The following TUBGCP6 variants were observed in gnomAD, a reference collection of about 807,000 sequenced individuals.
TUBGCP6 encodes the protein gamma-tubulin complex component 6.
In TUBGCP6, 161 loss-of-function variants were observed where a neutral mutation model predicts 175.8. The observed-to-expected ratio is 0.92, with a 90% CI of 0.81 to 1.04. The LOEUF is 1.04. TUBGCP6 is among the 50% of genes least tolerant of loss of function. TUBGCP6 has a pLI of 0.00. For synonymous variants in TUBGCP6, 1,173 were observed against 1,030.5 expected (o/e 1.14, Z -2.65); for missense variants, 2,572 against 2,433.0 (o/e 1.06, Z -1.20).
At chr22:50,229,665 C>T in intron 3 of TUBGCP6, 88 bp from the exon 4 acceptor site, 1 of 1,385,904 alleles carries the variant, frequency 7.2e-7, no homozygotes, top group South Asian at 1.3e-5. Context: ...TGCACCCAAC[C>T]CCACGCCACC....
intron 2 of TUBGCP6, among the ~76,000 whole-genome samples, chr22:50,235,024 C>G (rs2064752522): frequency 6.6e-6 from 1 of 151,746 alleles, no homozygotes; most frequent in Admixed American, 6.6e-5. Flanking sequence ...GCATCCACCC[C>G]CTGTCCACGG....
At chr22:50,243,399 G>A (rs531081390) in intron 1 of TUBGCP6, among the ~76,000 whole-genome samples, 1 of 151,104 alleles carries the variant, frequency 6.6e-6, no homozygotes, top group Non-Finnish European at 1.5e-5. Flanking sequence ...GTTACAGTGA[G>A]CCGAGATCGC....
Position 50,223,770 on chromosome 22 carries a change from ACT to A in TUBGCP6, c.2270+369_2270+370del, listed in dbSNP as rs10548210. 7.0e-3 allele frequency: 1,017 copies of A among 144,936 alleles called. 9 individuals carry two copies. The highest frequency in any genetic ancestry group is 0.016 in the South Asian group (101 of 6,362). The allele number at this position is 144,936 out of a possible 1,614,324, so 9.0% of individuals were successfully genotyped here. ...ACTCCAGCCTGGGTGACAGAGCAAG[ACT>A]CTGTTTCCAAAAAAAAAAAAAAAAA... On this transcript the variant is annotated intron_variant, in intron 13 of 24. Coordinates refer to ENST00000248846, the MANE Select transcript of TUBGCP6 (RefSeq NM_020461.4).
chr22:50,242,035 G>A (rs1458027669), intron 1 of TUBGCP6, among the ~76,000 whole-genome samples: 1 of 146,362 alleles, frequency 6.8e-6, no homozygotes, highest in Non-Finnish European at 1.5e-5. Context: ...GCTCACGCCT[G>A]TAATCCCAGC....
intron 7 of TUBGCP6, 97 bp from the exon 8 acceptor site, chr22:50,226,475 G>A (rs1184536923): frequency 2.5e-6 from 3 of 1,201,026 alleles, no homozygotes; most frequent in Non-Finnish European, 3.6e-6. Context: ...GGCTGTCAGT[G>A]AGGGGCAAGT....
intron 10 of TUBGCP6, among the ~76,000 whole-genome samples, chr22:50,225,450 C>T (rs112750585): frequency 9.2e-5 from 14 of 152,282 alleles, no homozygotes; most frequent in South Asian, 4.2e-4. Context: ...CCACAGCTGG[C>T]GGGCCCGGGG....
In TUBGCP6 at chr22:50,227,047, A is replaced by G. The variant is rs141766585; in HGVS notation, c.1443T>C (p.Ala481=). The change falls in exon 6 of 25, where the codon GCT becomes GCC. Residue 481 remains alanine, a synonymous_variant. Transcript: ENST00000248846. The part of the protein sequence containing the change: ...RYLAELCGVG[A]VLPGTCGGGP... ...CTCCTCCACAGGTGCCCGGGAGCAC[A>G]GCGCCAACGCCACAGAGCTCGGCCA... 1,246 of 1,612,516 alleles carry G rather than the reference A, an allele frequency of 7.7e-4. 8 individuals are homozygous for G. In the African/African-American group the frequency reaches 0.015, roughly 20 times the overall value.
Position 50,244,355 on chromosome 22 carries a change from C to G in TUBGCP6, c.105G>C (p.Arg35=). Residue 35 remains arginine (R), a synonymous_variant, in exon 1 of 25, where the codon CGG becomes CGC. Transcript: ENST00000248846. ...CATTGTAGGCCACCTTCTTGAGGCT[C>G]CGCTTTGCCCTCTTCCGGTTCACAC... ...QRSVNRKRAK[R]SLKKVAYNAL... 6.2e-7 allele frequency: 1 copy of G among 1,613,482 alleles called. No homozygotes were observed.
Position 50,244,247 on chromosome 22 carries a change from G to A in TUBGCP6, c.213C>T (p.Leu71=), listed in dbSNP as rs1170395744. Reference sequence around the variant, plus strand: ...CCACTCTCAAGTCAAAGGACAACATGAGGATCTTGTTTCTCGCTGGTAGTT... The same window carrying A: ...CCACTCTCAAGTCAAAGGACAACATAAGGATCTTGTTTCTCGCTGGTAGTT... ...MSKLPARNKI[L]MLSFDLRVGG... Residue 71 remains leucine (L), a synonymous_variant, in exon 1 of 25, where the codon CTC becomes CTT. Transcript: ENST00000248846. The A allele has an allele frequency of 3.1e-6, 5 of 1,613,548 alleles. No individual in the cohort carries two copies. The highest frequency in any genetic ancestry group is 3.4e-6 in the Non-Finnish European group (4 of 1,180,040).
intron 2 of TUBGCP6, 91 bp downstream of exon 2, chr22:50,240,113 T>A: frequency 6.4e-7 from 1 of 1,554,920 alleles, no homozygotes; most frequent in Non-Finnish European, 8.7e-7. Context: ...CCTGGACCCC[T>A]GAGTACACAA....
intron 20 of TUBGCP6, 68 bp from the exon 21 acceptor site, chr22:50,218,965 T>C (rs2064466439): frequency 6.3e-7 from 1 of 1,588,566 alleles, no homozygotes; most frequent in South Asian, 1.1e-5. Flanking sequence ...CGGCACCCCA[T>C]GGGGCTGTGC....
intron 3 of TUBGCP6, among the ~76,000 whole-genome samples, chr22:50,231,433 G>A (rs578248078): frequency 3.3e-5 from 5 of 149,704 alleles, no homozygotes; most frequent in East Asian, 2.0e-4. Flanking sequence ...CAGCCTGGGC[G>A]ACAGAGTGAG....
chr22:50,234,770 CGTCCACAGCAGCATCCACATCCAG>C (rs1013916221), intron 2 of TUBGCP6, among the ~76,000 whole-genome samples: 3 of 142,908 alleles, frequency 2.1e-5, no homozygotes, highest in Admixed American at 1.4e-4. Context: ...CCCACACCCC[CGTCCACAGCAGCATCCACATCCAG>C]GTCCACAGCA....
intron 3 of TUBGCP6, among the ~76,000 whole-genome samples, chr22:50,229,879 T>TA (rs2064666792): frequency 6.6e-6 from 1 of 152,114 alleles, no homozygotes; most frequent in South Asian, 2.1e-4. Context: ...GCAGAAGCTA[T>TA]AAAACATGAC....
Position 50,244,158 on chromosome 22 carries a change from C to CA in TUBGCP6, c.301dup (p.Cys101LeufsTer35). The CA allele has an allele frequency of 6.2e-7, 1 of 1,613,452 alleles. No homozygotes were observed. The highest frequency in any genetic ancestry group is 1.1e-5 in the South Asian group (1 of 91,086). ...AGACCCCACCTCCAAAAGCGGACAG[C>CA]AAGGGGCTGCTTCCAGCTCCTCCAC... is the stretch of plus-strand genomic sequence containing the variant. On this transcript the variant is annotated frameshift_variant, in exon 1 of 25. Transcript: ENST00000248846. LOFTEE classifies it high-confidence loss of function.
chr22:50,227,999 C>A lies in TUBGCP6; in HGVS notation c.1320G>T (p.Leu440=). The A allele has an allele frequency of 6.4e-7, 1 of 1,567,376 alleles. No individual in the cohort carries two copies. The highest frequency in any genetic ancestry group is 8.6e-7 in the Non-Finnish European group (1 of 1,156,126). ...QAFTSGLRRY[L]QYYRACVLST... The stretch of plus-strand genomic sequence containing the variant: ...AAAGGACGCAGGCCCGGTAATACTG[C>A]AGGTACCTCCTCAGGCCACTGGTGA... The change falls in exon 5 of 25, where the codon CTG becomes CTT. Residue 440 remains leucine (L), a synonymous_variant. Coordinates refer to ENST00000248846, the MANE Select transcript of TUBGCP6 (RefSeq NM_020461.4).
chr22:50,224,567 T>A lies in TUBGCP6; in HGVS notation c.2009A>T (p.Gln670Leu). 6.2e-7 allele frequency: 1 copy of A among 1,614,110 alleles called. No homozygotes were observed. The highest frequency in any genetic ancestry group is 1.3e-5 in the African/African-American group (1 of 75,046). Residue 670 changes from glutamine (Q) to leucine (L), a missense_variant, in exon 11 of 25, where the codon CAA (glutamine) becomes CTA (leucine). Transcript: ENST00000248846. ...TTCCCGGGCATGAGCGATTAATTCT[T>A]GTTTTGCAATTTCCATACGTAATTC... ...EKELRMEIAK[Q>L]ELIAHAREAA...
In TUBGCP6 at chr22:50,222,228, G is replaced by A. The variant is rs975869072; in HGVS notation, c.2410-126C>T. On this transcript the variant is annotated intron_variant, in intron 14 of 24. Transcript: ENST00000248846. ...CTGAACCAGACAAGGCTTGTGCTGG[G>A]CTCCAGTGGGACGCTGGGCCTGCAA... is the stretch of plus-strand genomic sequence containing the variant. 10 of 1,194,332 alleles carry A rather than the reference G, an allele frequency of 8.4e-6. No individual in the cohort carries two copies. The African/African-American group carries it at 1.4e-4, about 16-fold the overall frequency. 74.0% of individuals were successfully genotyped at this position (1,194,332 alleles called of 1,614,324 possible).
chr22:50,235,941 G>GAAA lies in TUBGCP6; in HGVS notation c.906-2418_906-2416dup, dbSNP rs542229305. 4.8e-5 allele frequency among the ~76,000 whole-genome samples: 6 copies of GAAA among 124,254 alleles called. No individual in the cohort carries two copies. In the South Asian group the frequency reaches 8.0e-4, roughly 17 times the overall value. 81.5% of individuals were successfully genotyped at this position (124,254 alleles called of 152,430 possible). On this transcript the variant is annotated intron_variant, in intron 2 of 24. Coordinates refer to ENST00000248846, the MANE Select transcript of TUBGCP6 (RefSeq NM_020461.4). ...AGCAACAGAGCAAGACTCCATCTCG[G>GAAA]AAAAAAAAAAAAAAAAAGTGGAGTG...
Sources: allele counts gnomAD v4.1 joint callset (sites outside exome capture counted in the v4.1 genomes callset), GRCh38; gene constraint gnomAD v4.1.1; transcripts MANE v1.5; gene names NCBI Gene and HGNC (gene_info 2026-07-23, HGNC 2026-07-21).